NAV3: variants seen among roughly 807,000 people sequenced by gnomAD.
NAV3 encodes the protein neuron navigator 3.
In NAV3, 87 loss-of-function variants were observed where a neutral mutation model predicts 244.7. That is an observed-to-expected ratio of 0.36 (90% confidence interval 0.30 to 0.42). The LOEUF (loss-of-function observed/expected upper bound fraction) is 0.42, where lower values mean the gene tolerates loss of function less well. Among genes scored for constraint, NAV3 ranks in the 20% least tolerant of loss-of-function variants. The pLI, the probability that NAV3 is intolerant of heterozygous loss-of-function variation, is 1.00. For synonymous variants in NAV3, 1,126 were observed against 1,042.2 expected, an observed-to-expected ratio of 1.08 and a Z score of -1.55; for missense variants, 2,663 against 2,893.3, an observed-to-expected ratio of 0.92 and a Z score of 1.83.
rs562359247 is a variant in NAV3, at chr12:77,748,083, C to A, written c.72+175817C>A. Among the ~76,000 whole-genome samples the A allele has an allele frequency of 2.6e-5, 4 of 152,108 alleles. No individual in the cohort carries two copies. In the South Asian group the frequency reaches 8.3e-4, roughly 32 times the overall value. The stretch of plus-strand genomic sequence containing the variant: ...ATTTTAAGTCTTAATAATTATGTTT[C>A]AAAAGTAATCAGAAAGTAGCATGTG... On this transcript the variant is annotated intron_variant, in intron 2 of 8. Transcript: ENST00000550042.
At chr12:77,893,130 TA>T (rs765192463) in intron 1 of NAV3, among the ~76,000 whole-genome samples, 1 of 152,080 alleles carries the variant, frequency 6.6e-6, no homozygotes, top group Non-Finnish European at 1.5e-5. Flanking sequence ...GCATAGCATG[TA>T]AAGGATCTTT....
intron 2 of NAV3, among the ~76,000 whole-genome samples, chr12:77,573,270 G>C (rs1401920922): frequency 1.3e-5 from 2 of 152,172 alleles, no homozygotes; most frequent in Non-Finnish European, 2.9e-5. Context: ...GGTAAGTTTA[G>C]AAGAGGCTGT....
At position 78,119,520 on chromosome 12, in the gene NAV3, A is replaced by G; in HGVS notation, c.3324A>G (p.Ala1108=). The G allele has an allele frequency of 6.2e-7, 1 of 1,614,202 alleles. No individual in the cohort carries two copies. Among genetic ancestry groups the G allele is most frequent in the Non-Finnish European group, 8.5e-7 (1 of 1,180,038 alleles). ...CTGCCATTGGCGGGAAGTCAAATGC[A>G]GGGAGAAAAACCAGTTTGGACGGTT... ...KSAAIGGKSN[A]GRKTSLDGSQ... is the part of the protein sequence containing the mutation. The change falls in exon 15 of 40, where the codon GCA becomes GCG. Residue 1108 remains alanine (A), a synonymous_variant. Coordinates refer to ENST00000397909, the MANE Select transcript of NAV3 (RefSeq NM_001024383.2).
chr12:78,127,109 G>A (rs1389571163), intron 16 of NAV3, 58 bp from the exon 17 acceptor site: 2 of 1,549,228 alleles, frequency 1.3e-6, no homozygotes, highest in Admixed American at 3.5e-5. Flanking sequence ...TTTGTTGGAT[G>A]TGTAATTTGG....
At chr12:77,860,009 T>TA in intron 1 of NAV3, among the ~76,000 whole-genome samples, 1 of 151,870 alleles carries the variant, frequency 6.6e-6, no homozygotes, top group Non-Finnish European at 1.5e-5. Context: ...CCCTGTATGT[T>TA]AAAAAGAATG....
intron 2 of NAV3, among the ~76,000 whole-genome samples, chr12:77,752,633 A>G (rs1265836788): frequency 6.6e-6 from 1 of 152,144 alleles, no homozygotes; most frequent in Non-Finnish European, 1.5e-5. Flanking sequence ...TCCTGGCCCT[A>G]CCACTCATAT....
intron 2 of NAV3, among the ~76,000 whole-genome samples, chr12:77,758,394 T>C (rs1376367001): frequency 6.6e-6 from 1 of 152,104 alleles, no homozygotes; most frequent in Non-Finnish European, 1.5e-5. Context: ...CTTAAGTGGG[T>C]GGTTAATAAA....
At chr12:77,849,943 A>T (rs943997797) in intron 1 of NAV3, among the ~76,000 whole-genome samples, 1 of 152,210 alleles carries the variant, frequency 6.6e-6, no homozygotes, top group African/African-American at 2.4e-5. Context: ...CCTGATTAAA[A>T]TTAAGACTCG....
intron 2 of NAV3, among the ~76,000 whole-genome samples, chr12:77,714,506 G>A (rs889054986): frequency 2.6e-5 from 4 of 152,058 alleles, no homozygotes; most frequent in South Asian, 4.1e-4. Flanking sequence ...AGCCTTGCTC[G>A]AGGTTTGGTT....
At chr12:77,749,453 G>A (rs1868728305) in intron 2 of NAV3, among the ~76,000 whole-genome samples, 2 of 152,064 alleles carry the variant, frequency 1.3e-5, no homozygotes, top group Non-Finnish European at 2.9e-5. Context: ...TATGATGGAT[G>A]GGAAAGGCCA....
intron 2 of NAV3, among the ~76,000 whole-genome samples, chr12:77,654,627 G>T (rs1872995622): frequency 6.6e-6 from 1 of 152,276 alleles, no homozygotes; most frequent in Non-Finnish European, 1.5e-5. Flanking sequence ...CGCAGCTGGA[G>T]ATCTGAGAAC....
intron 7 of NAV3, among the ~76,000 whole-genome samples, chr12:77,998,772 G>A (rs1872762582): frequency 2.0e-5 from 3 of 151,958 alleles, no homozygotes; most frequent in Admixed American, 1.3e-4. Flanking sequence ...GTCTTTTTAT[G>A]TTTTTGAAAA....
chr12:77,973,904 GA>G (rs1893225238), intron 5 of NAV3, among the ~76,000 whole-genome samples: 1 of 151,912 alleles, frequency 6.6e-6, no homozygotes, highest in Admixed American at 6.6e-5. Context: ...AACAAAAACA[GA>G]AAAGAAGAGG....
chr12:77,732,520 C>T (rs534541399), intron 2 of NAV3, among the ~76,000 whole-genome samples: 3 of 152,040 alleles, frequency 2.0e-5, no homozygotes, highest in African/African-American at 7.2e-5. Flanking sequence ...TTCCTATAGA[C>T]ATTTATTACT....
In NAV3 at chr12:78,198,820, C is replaced by A. The variant is rs759620529; in HGVS notation, c.6518+144C>A. ...CTTTGACAAATCTTGCCAGAGATGA[C>A]CTGTGGTGTGAAAATAATTCTCACT... On this transcript the variant is annotated intron_variant, in intron 36 of 39. Transcript: ENST00000397909. 13 of 618,486 alleles carry A rather than the reference C, an allele frequency of 2.1e-5. No individual in the cohort carries two copies. The African/African-American group carries it at 2.3e-4, about 11-fold the overall frequency. The allele number at this position is 618,486 out of a possible 1,614,324, so 38.3% of individuals were successfully genotyped here.
intron 22 of NAV3, among the ~76,000 whole-genome samples, chr12:78,153,044 G>A (rs183264772): frequency 5.7e-4 from 87 of 152,082 alleles, no homozygotes; most frequent in Admixed American, 2.4e-3. Context: ...TACTCTCATA[G>A]CTTACGTGCT....
intron 1 of NAV3, among the ~76,000 whole-genome samples, chr12:77,904,260 A>T (rs141584314): frequency 0.012 from 1,868 of 152,290 alleles, 42 homozygotes; most frequent in African/African-American, 0.042. Flanking sequence ...TCCAACAATG[A>T]TAGACTGGAT....
At chr12:77,727,885 T>G (rs1876949762) in intron 2 of NAV3, among the ~76,000 whole-genome samples, 1 of 151,906 alleles carries the variant, frequency 6.6e-6, no homozygotes, top group African/African-American at 2.4e-5. Context: ...TTACTCTCAT[T>G]TAGGGGTGGC....
At chr12:78,100,650 A>G (rs1425705581) in intron 12 of NAV3, among the ~76,000 whole-genome samples, 1 of 152,010 alleles carries the variant, frequency 6.6e-6, no homozygotes, top group East Asian at 1.9e-4. Context: ...ACTGCTCAAT[A>G]CTATCTGATT....
Sources: allele counts gnomAD v4.1 joint callset (sites outside exome capture counted in the v4.1 genomes callset), GRCh38; gene constraint gnomAD v4.1.1; transcripts MANE v1.5; gene names NCBI Gene and HGNC (gene_info 2026-07-23, HGNC 2026-07-21).